Variants in CYB561A3 observed in about 807,000 individuals in gnomAD.
CYB561A3 encodes the protein cytochrome b561 family member A3.
In CYB561A3, 16 loss-of-function variants were observed where a neutral mutation model predicts 25.3. The ratio of observed to expected loss-of-function variants is 0.63; its 90% CI spans 0.43 to 0.96. The LOEUF is 0.96. CYB561A3 is among the 40% of genes least tolerant of loss of function. CYB561A3 has a pLI of 0.00. For synonymous variants in CYB561A3, 131 were observed against 129.9 expected (o/e 1.01, Z -0.06); for missense variants, 219 against 307.5 (o/e 0.71, Z 2.15).
intron 3 of CYB561A3, chr11:61,356,094 G>GAAA (rs774349495): frequency 3.0e-4 from 15 of 50,150 alleles, no homozygotes; most frequent in Non-Finnish European, 3.3e-4. Context: ...TCCGTCTAGA[G>GAAA]AAAAAAAAAA....
At chr11:61,358,993 G>A (rs1590613342) in intron 1 of CYB561A3, 2 of 152,346 alleles carry the variant, frequency 1.3e-5, no homozygotes, top group African/African-American at 4.8e-5. Flanking sequence ...GGAGGCCGAC[G>A]CGGATGGATC....
rs958501141 is a variant in CYB561A3 at position 61,361,842 on chromosome 11, CCCTGAATGCCTACAG to C, written c.-236_-222del. The C allele has an allele frequency of 2.6e-5, 4 of 152,300 alleles. No individual in the cohort carries two copies. Among genetic ancestry groups the C allele is most frequent in the Non-Finnish European group, 5.9e-5 (4 of 68,090 alleles). 9.4% of individuals were successfully genotyped at this position (152,300 alleles called of 1,614,324 possible). On this transcript the variant is annotated 5_prime_UTR_variant, in exon 1 of 7. Transcript: ENST00000294072. ...TTCCTAGGAGATGCAGAAGACACTG[CCCTGAATGCCTACAG>C]CCGGCTGGCAATGCCGCCCCAGAGC...
At chr11:61,353,577 G>T in intron 4 of CYB561A3, 1 of 718,748 alleles carries the variant, frequency 1.4e-6, no homozygotes, top group Non-Finnish European at 2.5e-6. Flanking sequence ...GACGAGAGAC[G>T]GGCAATGGGA....
chr11:61,355,215 T>C (rs563460537), intron 3 of CYB561A3, among the ~76,000 whole-genome samples: 1 of 152,224 alleles, frequency 6.6e-6, no homozygotes, highest in East Asian at 1.9e-4. Context: ...AAAAGGGATA[T>C]AACAGAGCCC....
At chr11:61,356,081 G>C (rs568184309) in intron 3 of CYB561A3, 2 of 132,184 alleles carry the variant, frequency 1.5e-5, no homozygotes, top group Admixed American at 1.7e-4. Flanking sequence ...GACACAGCAA[G>C]ACTCCGTCTA....
At chr11:61,352,848 G>T in intron 5 of CYB561A3, 137 bp downstream of exon 5, 1 of 1,503,832 alleles carries the variant, frequency 6.6e-7, no homozygotes, top group Non-Finnish European at 8.8e-7. Context: ...GATCAATTCT[G>T]TTACCTTCCA....
chr11:61,357,942 G>T (rs1034643319), intron 1 of CYB561A3, 114 bp from the exon 2 acceptor site: 2 of 152,242 alleles, frequency 1.3e-5, no homozygotes, highest in Admixed American at 6.5e-5. Context: ...ACCCTGGGAG[G>T]CATATTATTC....
At position 61,353,008 on chromosome 11, in the gene CYB561A3, A is replaced by T; in HGVS notation, c.525T>A (p.Ile175=). The T allele has an allele frequency of 6.2e-7, 1 of 1,614,174 alleles. No individual in the cohort carries two copies. The highest frequency in any genetic ancestry group is 1.7e-5 in the Admixed American group (1 of 60,024). The change falls in exon 5 of 7, where the codon ATT becomes ATA. Residue 175 remains isoleucine, a synonymous_variant. Transcript: ENST00000294072. ...ACAAACTGAAGAAAAGCTTCTCATT[A>T]ATGCCCGAAATGACGGATGCGATGG... ...SLSIASVISG[I]NEKLFFSLKN...
Position 61,356,606 on chromosome 11 carries a change from G to A in CYB561A3, c.108C>T (p.Ala36=). 1 of 1,614,182 alleles carries A rather than the reference G, an allele frequency of 6.2e-7. No individual in the cohort carries two copies. Among genetic ancestry groups the A allele is most frequent in the Non-Finnish European group, 8.5e-7 (1 of 1,180,034 alleles). ...TGAACATGTAGATGCTGCCATTCCAGGCAAAGCCACCACGCCAGTACTGCA... is the reference window on the plus strand; with the variant it reads ...TGAACATGTAGATGCTGCCATTCCAAGCAAAGCCACCACGCCAGTACTGCA... The part of the protein sequence containing the change: ...YWMQYWRGGF[A]WNGSIYMFNW... Residue 36 remains alanine, a synonymous_variant, in exon 3 of 7, where the codon GCC becomes GCT. Coordinates refer to ENST00000294072, the MANE Select transcript of CYB561A3 (RefSeq NM_153611.6).
intron 1 of CYB561A3, chr11:61,360,011 ACT>A (rs1857785976): frequency 6.6e-6 from 1 of 151,500 alleles, no homozygotes; most frequent in South Asian, 2.1e-4. Flanking sequence ...ACAGAGATAG[ACT>A]CTGTCTATAA....
At chr11:61,350,760 G>A in intron 6 of CYB561A3, 1 of 620,324 alleles carries the variant, frequency 1.6e-6, no homozygotes, top group Non-Finnish European at 2.7e-6. Flanking sequence ...AGTGATTTGG[G>A]GGGGAAATTC....
intron 6 of CYB561A3, chr11:61,350,725 G>T: frequency 1.7e-6 from 1 of 596,166 alleles, no homozygotes; most frequent in Non-Finnish European, 2.9e-6. Context: ...AGAAGATAAG[G>T]CCACACTTCA....
intron 3 of CYB561A3, 199 bp from the exon 4 acceptor site, chr11:61,354,191 G>A: frequency 1.6e-6 from 1 of 628,330 alleles, no homozygotes; most frequent in Non-Finnish European, 2.7e-6. Context: ...AGAAGGGCCA[G>A]TTAAAAAGGG....
At position 61,353,008 on chromosome 11, in the gene CYB561A3, A is replaced by G; in HGVS notation, c.525T>C (p.Ile175=). The G allele has an allele frequency of 1.2e-6, 2 of 1,614,174 alleles. No homozygotes were observed. Among genetic ancestry groups the G allele is most frequent in the South Asian group, 2.2e-5 (2 of 91,078 alleles). ...SLSIASVISG[I]NEKLFFSLKN... is the part of the protein sequence containing the mutation. ...ACAAACTGAAGAAAAGCTTCTCATT[A>G]ATGCCCGAAATGACGGATGCGATGG... The change falls in exon 5 of 7, where the codon ATT becomes ATC. Residue 175 remains isoleucine (I), a synonymous_variant. Transcript: ENST00000294072.
chr11:61,348,986 G>A lies in CYB561A3; in HGVS notation c.*1413C>T, dbSNP rs2135087691. 6.4e-6 allele frequency: 1 copy of A among 156,250 alleles called. No homozygotes were observed. Among genetic ancestry groups the A allele is most frequent in the East Asian group, 1.9e-4 (1 of 5,372 alleles). 9.7% of individuals were successfully genotyped at this position (156,250 alleles called of 1,614,324 possible). On this transcript the variant is annotated 3_prime_UTR_variant, in exon 7 of 7. Coordinates refer to ENST00000294072, the MANE Select transcript of CYB561A3 (RefSeq NM_153611.6). ...TTCTGCCAACATCTGGCAATGTGAG[G>A]CTGGGGTGGACGTTGGCCTGATGTT...
chr11:61,357,256 G>T (rs1358300230), intron 2 of CYB561A3: 1 of 1,550,166 alleles, frequency 6.5e-7, no homozygotes, highest in Non-Finnish European at 8.7e-7. Context: ...GCTCTATGGG[G>T]CTAATCTTCA....
chr11:61,352,091 A>C (rs1315029116), intron 5 of CYB561A3: 3 of 152,186 alleles, frequency 2.0e-5, no homozygotes, highest in Non-Finnish European at 4.4e-5. Context: ...AACTTGCCCA[A>C]AGTTGCATAA....
At chr11:61,351,316 G>GTCT in intron 5 of CYB561A3, 169 bp from the exon 6 acceptor site, 1 of 689,916 alleles carries the variant, frequency 1.4e-6, no homozygotes, top group South Asian at 2.5e-5. Flanking sequence ...TTGAGGCAGA[G>GTCT]TCTTGCTCTG....
At chr11:61,358,122 T>C (rs769187049) in intron 1 of CYB561A3, 4 of 152,208 alleles carry the variant, frequency 2.6e-5, no homozygotes, top group Non-Finnish European at 5.9e-5. Context: ...AGAAGTCAAG[T>C]ATTAGAATTC....
Sources: allele counts gnomAD v4.1 joint callset (sites outside exome capture counted in the v4.1 genomes callset), GRCh38; gene constraint gnomAD v4.1.1; transcripts MANE v1.5; gene names NCBI Gene and HGNC (gene_info 2026-07-23, HGNC 2026-07-21).